SGCZ: variants seen among roughly 807,000 people sequenced by gnomAD.
SGCZ encodes the protein sarcoglycan zeta.
SGCZ carries 40 observed loss-of-function variants against 41.3 expected under a neutral mutation model. The observed-to-expected ratio is 0.97, with a 90% CI of 0.75 to 1.26. The LOEUF (loss-of-function observed/expected upper bound fraction) is 1.26. Among genes scored for constraint, SGCZ ranks in the 50% most tolerant of loss-of-function variants. The pLI, the probability that SGCZ is intolerant of heterozygous loss-of-function variation, is 0.00. For synonymous variants in SGCZ, 206 were observed against 137.5 expected (o/e 1.50, Z -3.49); for missense variants, 552 against 369.8 (o/e 1.49, Z -4.04).
intron 1 of SGCZ, among the ~76,000 whole-genome samples, chr8:15,124,722 G>A (rs1807613854): frequency 6.6e-6 from 1 of 151,998 alleles, no homozygotes; most frequent in African/African-American, 2.4e-5. Context: ...ATTATTATGA[G>A]GTCTAAATAC....
rs114930685 is a variant in SGCZ at position 14,717,489 on chromosome 8, C to G, written c.40-162563G>C. On this transcript the variant is annotated intron_variant, in intron 1 of 7. Coordinates refer to ENST00000382080, the MANE Select transcript of SGCZ (RefSeq NM_139167.4). ...TCACAAAGAATTGAAGAAGAACAGT[C>G]TGGAAGGTACTGGTAAGAGTGACTC... 3.7e-3 allele frequency among the ~76,000 whole-genome samples: 569 copies of G among 152,192 alleles called. 8 individuals are homozygous for G. Among genetic ancestry groups the G allele is most frequent in the African/African-American group, 0.013 (549 of 41,530 alleles).
At chr8:14,761,484 A>G (rs1799869822) in intron 1 of SGCZ, among the ~76,000 whole-genome samples, 1 of 151,018 alleles carries the variant, frequency 6.6e-6, no homozygotes, top group African/African-American at 2.4e-5. Flanking sequence ...GACTCTCAAG[A>G]TTAATTGTAC....
At chr8:14,765,423 G>A (rs1022965377) in intron 1 of SGCZ, among the ~76,000 whole-genome samples, 2 of 152,054 alleles carry the variant, frequency 1.3e-5, no homozygotes, top group African/African-American at 4.8e-5. Flanking sequence ...ATAGAGATGA[G>A]GCCTAGACAG....
chr8:14,706,014 A>G (rs916505647), intron 1 of SGCZ, among the ~76,000 whole-genome samples: 1 of 152,044 alleles, frequency 6.6e-6, no homozygotes. Context: ...ATAATAGTCT[A>G]GAAATACAAA....
intron 5 of SGCZ, among the ~76,000 whole-genome samples, chr8:14,133,645 T>A (rs1307258876): frequency 6.6e-6 from 1 of 152,218 alleles, no homozygotes; most frequent in Non-Finnish European, 1.5e-5. Flanking sequence ...TTTTACCATT[T>A]TGAAGTCACT....
chr8:14,708,083 C>A (rs1399741255), intron 1 of SGCZ, among the ~76,000 whole-genome samples: 1 of 151,852 alleles, frequency 6.6e-6, no homozygotes, highest in Non-Finnish European at 1.5e-5. Context: ...AATGTTTTTT[C>A]TACCATAATT....
At chr8:14,915,856 C>G (rs1461128735) in intron 1 of SGCZ, among the ~76,000 whole-genome samples, 1 of 152,232 alleles carries the variant, frequency 6.6e-6, no homozygotes, top group Middle Eastern at 3.4e-3. Context: ...CATGTGTCTG[C>G]GTCCTGAATT....
At chr8:14,996,722 G>A (rs1343511814) in intron 1 of SGCZ, among the ~76,000 whole-genome samples, 1 of 152,178 alleles carries the variant, frequency 6.6e-6, no homozygotes, top group Non-Finnish European at 1.5e-5. Flanking sequence ...GACATCTTCT[G>A]GATCTCCTTC....
At chr8:14,919,793 T>C (rs1267835680) in intron 1 of SGCZ, among the ~76,000 whole-genome samples, 3 of 151,766 alleles carry the variant, frequency 2.0e-5, no homozygotes, top group Non-Finnish European at 2.9e-5. Context: ...TGGTGCACGC[T>C]TGTAATCCCA....
intron 4 of SGCZ, among the ~76,000 whole-genome samples, chr8:14,181,846 C>T (rs944362000): frequency 6.6e-6 from 1 of 152,156 alleles, no homozygotes; most frequent in South Asian, 2.1e-4. Context: ...TTCTTAGCAG[C>T]CTGAGAACAG....
chr8:14,400,657 C>G (rs1345462778), intron 2 of SGCZ, among the ~76,000 whole-genome samples: 1 of 152,066 alleles, frequency 6.6e-6, no homozygotes, highest in Admixed American at 6.6e-5. Context: ...CTTTGCATGT[C>G]TTAAATATTT....
At chr8:15,170,071 C>G (rs13250033) in intron 1 of SGCZ, among the ~76,000 whole-genome samples, 1 of 152,132 alleles carries the variant, frequency 6.6e-6, no homozygotes, top group Non-Finnish European at 1.5e-5. Context: ...ATTCAAAGAA[C>G]GTTTTAAATG....
chr8:14,115,996 G>C (rs1364362334), intron 5 of SGCZ, among the ~76,000 whole-genome samples: 2 of 152,032 alleles, frequency 1.3e-5, no homozygotes, highest in African/African-American at 4.8e-5. Flanking sequence ...CACAGCGCTA[G>C]AGATTCATCT....
At chr8:14,929,434 T>C (rs561783108) in intron 1 of SGCZ, among the ~76,000 whole-genome samples, 1 of 151,940 alleles carries the variant, frequency 6.6e-6, no homozygotes, top group Non-Finnish European at 1.5e-5. Context: ...CTCACCCAGA[T>C]ATGTTGTTAG....
chr8:14,298,619 A>C (rs1339851744), intron 3 of SGCZ, among the ~76,000 whole-genome samples: 1 of 151,992 alleles, frequency 6.6e-6, no homozygotes, highest in Non-Finnish European at 1.5e-5. Context: ...CTCAGAACAA[A>C]ATTTCAACAA....
chr8:15,165,390 C>G (rs1267553316), intron 1 of SGCZ, among the ~76,000 whole-genome samples: 2 of 152,074 alleles, frequency 1.3e-5, no homozygotes, highest in Admixed American at 6.6e-5. Flanking sequence ...TAAAAACAGC[C>G]CTAAAGACTA....
chr8:15,210,815 C>T (rs922814078), intron 1 of SGCZ, among the ~76,000 whole-genome samples: 5 of 152,130 alleles, frequency 3.3e-5, no homozygotes, highest in African/African-American at 1.2e-4. Flanking sequence ...AAGCAATCTC[C>T]TATTGGCCGT....
chr8:14,206,286 T>C (rs191445218), intron 4 of SGCZ, among the ~76,000 whole-genome samples: 1 of 152,276 alleles, frequency 6.6e-6, no homozygotes, highest in East Asian at 1.9e-4. Context: ...TTACAAGCCT[T>C]ATGTTGTAAA....
At chr8:15,164,137 A>C (rs942838729) in intron 1 of SGCZ, among the ~76,000 whole-genome samples, 2 of 152,222 alleles carry the variant, frequency 1.3e-5, no homozygotes, top group African/African-American at 4.8e-5. Context: ...CTGAATTTTC[A>C]TGGCCATGGG....
Sources: allele counts gnomAD v4.1 joint callset (sites outside exome capture counted in the v4.1 genomes callset), GRCh38; gene constraint gnomAD v4.1.1; transcripts MANE v1.5; gene names NCBI Gene and HGNC (gene_info 2026-07-23, HGNC 2026-07-21).